The following ST3GAL2 variants were observed in gnomAD, a reference collection of about 807,000 sequenced individuals.
ST3GAL2 encodes CMP-N-acetylneuraminate-beta-galactosamide-alpha-2,3-sialyltransferase 2.
In ST3GAL2, 16 loss-of-function variants were observed where a neutral mutation model predicts 37.5. The observed-to-expected ratio is 0.43, with a 90% CI of 0.29 to 0.65. The LOEUF (loss-of-function observed/expected upper bound fraction) is 0.65, where lower values mean the gene tolerates loss of function less well. ST3GAL2 is among the 30% of genes least tolerant of loss of function. ST3GAL2 has a pLI of 0.17. For missense variants in ST3GAL2, 383 were observed against 487.8 expected (o/e 0.79, Z 2.02); for synonymous variants, 238 against 202.9 (o/e 1.17, Z -1.47).
At chr16:70,407,371 C>T (rs952755476) in intron 1 of ST3GAL2, among the ~76,000 whole-genome samples, 1 of 152,134 alleles carries the variant, frequency 6.6e-6, no homozygotes, top group Non-Finnish European at 1.5e-5. Context: ...AAACTCCTGA[C>T]CTCAAGTGAT....
Position 70,381,587 on chromosome 16 carries a change from C to A in ST3GAL2, c.*102G>T. ...TGATTGGCGGGGCACAGCAGACGCC[C>A]CTGGGCTGCAGCATGATTGGTCGCG... On this transcript the variant is annotated 3_prime_UTR_variant, in exon 7 of 7. Coordinates refer to ENST00000342907, the MANE Select transcript of ST3GAL2 (RefSeq NM_006927.4). The A allele has an allele frequency of 1.4e-6, 2 of 1,427,310 alleles. No individual in the cohort carries two copies. The highest frequency in any genetic ancestry group is 1.4e-5 in the African/African-American group (1 of 70,862). The allele number at this position is 1,427,310 out of a possible 1,614,324, so 88.4% of individuals were successfully genotyped here.
intron 4 of ST3GAL2, among the ~76,000 whole-genome samples, chr16:70,387,423 C>T (rs1301030187): frequency 6.6e-6 from 1 of 152,050 alleles, no homozygotes; most frequent in Non-Finnish European, 1.5e-5. Context: ...GGCATGGTGA[C>T]ATGTGCCTGT....
At chr16:70,418,903 C>T (rs1412799986) in intron 1 of ST3GAL2, among the ~76,000 whole-genome samples, 1 of 152,198 alleles carries the variant, frequency 6.6e-6, no homozygotes, top group East Asian at 1.9e-4. Flanking sequence ...GCCCCCCACA[C>T]CAGAGGCTTC....
intron 1 of ST3GAL2, among the ~76,000 whole-genome samples, chr16:70,438,587 G>T (rs1052892461): frequency 1.4e-5 from 2 of 147,552 alleles, no homozygotes; most frequent in Non-Finnish European, 3.0e-5. Flanking sequence ...GAGACCCAGG[G>T]TTAGCGGTAC....
Position 70,388,546 on chromosome 16 carries a change from C to T in ST3GAL2, c.534G>A (p.Arg178=). 2.5e-6 allele frequency: 4 copies of T among 1,576,612 alleles called. No individual in the cohort carries two copies. The highest frequency in any genetic ancestry group is 3.5e-6 in the Non-Finnish European group (4 of 1,159,168). ...AGCCCACGGTTGGCGCCTGATTCAT[C>T]CTGCAGGGACAAGAGGGTGACATGA... ...QDVDGHNFIM[R]MNQAPTVGFE... Residue 178 remains arginine, a splice_region_variant and synonymous_variant, in exon 4 of 7, where the codon AGG becomes AGA. Transcript: ENST00000342907.
At chr16:70,382,692 C>T (rs2047414453) in intron 6 of ST3GAL2, 113 bp downstream of exon 6, 1 of 1,512,026 alleles carries the variant, frequency 6.6e-7, no homozygotes, top group South Asian at 1.2e-5. Flanking sequence ...AAACCAAGGC[C>T]ACATGGATTC....
rs1296126091 is a variant in ST3GAL2 at position 70,378,181 on chromosome 16, A to AG, written c.*3507dup. The AG allele has an allele frequency of 1.3e-5, 2 of 152,042 alleles. No individual in the cohort carries two copies. Among genetic ancestry groups the AG allele is most frequent in the African/African-American group, 4.8e-5 (2 of 41,394 alleles). 9.4% of individuals were successfully genotyped at this position (152,042 alleles called of 1,614,324 possible). On this transcript the variant is annotated 3_prime_UTR_variant, in exon 7 of 7. Coordinates refer to ENST00000342907, the MANE Select transcript of ST3GAL2 (RefSeq NM_006927.4). Reference sequence around the variant, plus strand: ...GTGTGGTCAAACATTGGGAGGCCAAAGGGGGTGGATGACCTGTGGTCAGGA... The same window carrying AG: ...GTGTGGTCAAACATTGGGAGGCCAAAGGGGGGTGGATGACCTGTGGTCAGGA...
intron 2 of ST3GAL2, among the ~76,000 whole-genome samples, chr16:70,397,761 G>T (rs1459861648): frequency 6.6e-6 from 1 of 152,096 alleles, no homozygotes; most frequent in Non-Finnish European, 1.5e-5. Context: ...CAATTATTTT[G>T]AGCCAATGTT....
At chr16:70,422,363 C>A (rs1323693678) in intron 1 of ST3GAL2, among the ~76,000 whole-genome samples, 1 of 152,154 alleles carries the variant, frequency 6.6e-6, no homozygotes, top group Non-Finnish European at 1.5e-5. Flanking sequence ...TGCAGCTAAG[C>A]CAAAGGGAAC....
At chr16:70,403,757 A>G (rs1040479170) in intron 1 of ST3GAL2, among the ~76,000 whole-genome samples, 1 of 152,184 alleles carries the variant, frequency 6.6e-6, no homozygotes, top group African/African-American at 2.4e-5. Context: ...AGGTTGTGTG[A>G]GCTGAGATTG....
At chr16:70,406,324 T>C (rs1393481675) in intron 1 of ST3GAL2, among the ~76,000 whole-genome samples, 2 of 151,772 alleles carry the variant, frequency 1.3e-5, no homozygotes, top group Admixed American at 6.6e-5. Context: ...AGGGCCAACA[T>C]GGTGAAACCC....
intron 4 of ST3GAL2, among the ~76,000 whole-genome samples, chr16:70,386,129 TCCTGCCTCAGCCTCCC>T (rs1368034497): frequency 6.6e-6 from 1 of 151,698 alleles, no homozygotes; most frequent in Non-Finnish European, 1.5e-5. Context: ...CGAGCGATTC[TCCTGCCTCAGCCTCCC>T]AAGTAGCTGG....
chr16:70,389,357 G>A (rs955290589), intron 3 of ST3GAL2, among the ~76,000 whole-genome samples: 10 of 151,266 alleles, frequency 6.6e-5, no homozygotes, highest in Non-Finnish European at 1.5e-4. Flanking sequence ...AGGCTGGAGT[G>A]CAGTGGTGCT....
intron 1 of ST3GAL2, among the ~76,000 whole-genome samples, chr16:70,408,841 C>A (rs1422578875): frequency 8.0e-6 from 1 of 124,838 alleles, no homozygotes; most frequent in South Asian, 2.7e-4. Context: ...GGACAAAGAT[C>A]GAGGCTGCAC....
intron 3 of ST3GAL2, among the ~76,000 whole-genome samples, chr16:70,390,268 T>A (rs2047474049): frequency 1.3e-5 from 2 of 152,110 alleles, no homozygotes; most frequent in South Asian, 4.1e-4. Flanking sequence ...GATAGGGGTC[T>A]CACTGCGTTG....
At chr16:70,410,241 T>C (rs12932115) in intron 1 of ST3GAL2, among the ~76,000 whole-genome samples, 1 of 63,434 alleles carries the variant, frequency 1.6e-5, no homozygotes, top group East Asian at 3.7e-4. Context: ...CACCCTCACC[T>C]TTTTTTTTTT....
At chr16:70,384,595 C>T (rs1403198825) in intron 4 of ST3GAL2, among the ~76,000 whole-genome samples, 1 of 150,462 alleles carries the variant, frequency 6.6e-6, no homozygotes, top group Non-Finnish European at 1.5e-5. Context: ...GTCCCAGCTA[C>T]TTGGGAGACT....
At chr16:70,414,546 C>G (rs1320271535) in intron 1 of ST3GAL2, among the ~76,000 whole-genome samples, 1 of 152,206 alleles carries the variant, frequency 6.6e-6, no homozygotes, top group Non-Finnish European at 1.5e-5. Context: ...CTTCAAGTCC[C>G]CAGTCTGCCA....
chr16:70,390,858 G>C (rs1242838202), intron 3 of ST3GAL2, among the ~76,000 whole-genome samples: 1 of 152,144 alleles, frequency 6.6e-6, no homozygotes, highest in Non-Finnish European at 1.5e-5. Flanking sequence ...CAAACCTGTT[G>C]GTCTTTTTTT....
Sources: gnomAD v4.1 joint callset for allele counts (sites outside exome capture counted in the v4.1 genomes callset) on GRCh38, gnomAD v4.1.1 for gene constraint, MANE v1.5 for transcripts, NCBI Gene and HGNC (gene_info 2026-07-23, HGNC 2026-07-21) for gene names.